Variants in PCCA observed in about 807,000 individuals in gnomAD.
The protein encoded by PCCA is propionyl-CoA carboxylase alpha chain, mitochondrial.
PCCA carries 74 observed loss-of-function variants against 101.3 expected under a neutral mutation model. That is an observed-to-expected ratio of 0.73 (90% CI 0.61 to 0.89). PCCA has a LOEUF of 0.89. PCCA is among the 40% of genes least tolerant of loss of function. PCCA has a pLI of 0.00. For synonymous variants in PCCA, 294 were observed against 313.6 expected (o/e 0.94, Z 0.66); for missense variants, 891 against 907.0 (o/e 0.98, Z 0.23).
At chr13:100,263,960 CAT>C (rs1180259316) in intron 10 of PCCA, among the ~76,000 whole-genome samples, 3 of 148,764 alleles carry the variant, frequency 2.0e-5, no homozygotes, top group Non-Finnish European at 4.5e-5. Context: ...ATCTGTATGT[CAT>C]ATATACGGTA....
intron 16 of PCCA, among the ~76,000 whole-genome samples, chr13:100,319,182 G>T (rs545825904): frequency 1.5e-3 from 233 of 152,208 alleles, no homozygotes; most frequent in African/African-American, 5.4e-3. Context: ...TGATGGGGTT[G>T]TTTGTTTTTT....
chr13:100,408,076 C>T (rs1308256087), intron 19 of PCCA, among the ~76,000 whole-genome samples: 1 of 152,190 alleles, frequency 6.6e-6, no homozygotes, highest in Non-Finnish European at 1.5e-5. Context: ...TTCTTGAACC[C>T]AGGAGGCAAA....
intron 4 of PCCA, among the ~76,000 whole-genome samples, chr13:100,139,395 A>G (rs149822960): frequency 1.8e-3 from 270 of 151,592 alleles, no homozygotes; most frequent in African/African-American, 6.1e-3. Context: ...GTATTGTTCC[A>G]TAGTCTCTTG....
At chr13:100,096,282 G>A (rs2089737802) in intron 1 of PCCA, among the ~76,000 whole-genome samples, 1 of 151,992 alleles carries the variant, frequency 6.6e-6, no homozygotes, top group Admixed American at 6.6e-5. Flanking sequence ...TTATTACTAT[G>A]TCTGTTATGG....
chr13:100,362,294 T>C (rs552589086), intron 18 of PCCA, among the ~76,000 whole-genome samples: 11 of 151,190 alleles, frequency 7.3e-5, no homozygotes, highest in African/African-American at 2.7e-4. Context: ...GAGTAAAATT[T>C]AAAAAAAAAT....
Position 100,340,215 on chromosome 13 carries a change from T to C in PCCA, c.1599T>C (p.Phe533=), listed in dbSNP as rs2152751951. The C allele has an allele frequency of 6.2e-7, 1 of 1,611,724 alleles. No individual in the cohort carries two copies. Among genetic ancestry groups the C allele is most frequent in the Non-Finnish European group, 8.5e-7 (1 of 1,177,814 alleles). Residue 533 remains phenylalanine (F), a synonymous_variant, in exon 18 of 24, where the codon TTT becomes TTC. Coordinates refer to ENST00000376285, the MANE Select transcript of PCCA (RefSeq NM_000282.4). ...NQLLAIASSL[F]VAFQLRAQHF... ...TATTGGCAATAGCATCATCATTGTTTGTGGCATTCCAGTTAAGAGCACAAC... is the reference window on the plus strand; with the variant it reads ...TATTGGCAATAGCATCATCATTGTTCGTGGCATTCCAGTTAAGAGCACAAC...
intron 4 of PCCA, among the ~76,000 whole-genome samples, chr13:100,147,060 T>C (rs1321184639): frequency 1.3e-5 from 2 of 150,566 alleles, no homozygotes; most frequent in Non-Finnish European, 2.9e-5. Context: ...TAAAATGTAG[T>C]GTGATTCAGT....
chr13:100,481,604 C>G (rs2083940883), intron 21 of PCCA, among the ~76,000 whole-genome samples: 1 of 152,072 alleles, frequency 6.6e-6, no homozygotes, highest in Non-Finnish European at 1.5e-5. Flanking sequence ...GACAGTAGAT[C>G]TGGTAACTGA....
At chr13:100,328,689 ATT>A (rs757599001) in intron 16 of PCCA, among the ~76,000 whole-genome samples, 95 of 98,206 alleles carry the variant, frequency 9.7e-4, no homozygotes, top group African/African-American at 2.9e-3. Flanking sequence ...GTTGAGGTTA[ATT>A]TTTTTTTTTT....
chr13:100,170,880 A>G (rs1249827272), intron 6 of PCCA, among the ~76,000 whole-genome samples: 4 of 152,246 alleles, frequency 2.6e-5, no homozygotes, highest in Non-Finnish European at 5.9e-5. Flanking sequence ...CATAGCGTAC[A>G]GTAGCCATAA....
At chr13:100,094,701 C>G (rs1054154435) in intron 1 of PCCA, among the ~76,000 whole-genome samples, 1 of 152,156 alleles carries the variant, frequency 6.6e-6, no homozygotes, top group Non-Finnish European at 1.5e-5. Context: ...GATTCTCCTG[C>G]CTCAGCCTCC....
At chr13:100,232,026 T>C (rs185520232) in intron 7 of PCCA, among the ~76,000 whole-genome samples, 1 of 152,314 alleles carries the variant, frequency 6.6e-6, no homozygotes, top group East Asian at 1.9e-4. Flanking sequence ...ATACTTTATT[T>C]TGCTTATTTT....
intron 22 of PCCA, among the ~76,000 whole-genome samples, chr13:100,525,216 C>CT (rs1233048065): frequency 6.6e-6 from 1 of 152,166 alleles, no homozygotes; most frequent in Non-Finnish European, 1.5e-5. Context: ...GACACGCCTT[C>CT]TTTAAAGTCC....
intron 21 of PCCA, among the ~76,000 whole-genome samples, chr13:100,483,282 C>G (rs1225918892): frequency 6.6e-6 from 1 of 151,990 alleles, no homozygotes; most frequent in Non-Finnish European, 1.5e-5. Flanking sequence ...TGGGCTTAAT[C>G]TGCATTAGCC....
intron 4 of PCCA, among the ~76,000 whole-genome samples, chr13:100,125,257 C>G (rs1479594141): frequency 6.6e-6 from 1 of 152,090 alleles, no homozygotes; most frequent in Non-Finnish European, 1.5e-5. Context: ...CCATGTTTCA[C>G]AGTTGGTCTT....
At chr13:100,289,707 T>C (rs1157988743) in intron 12 of PCCA, among the ~76,000 whole-genome samples, 1 of 152,200 alleles carries the variant, frequency 6.6e-6, no homozygotes, top group Non-Finnish European at 1.5e-5. Context: ...AGACAGACGT[T>C]TTCTCTGTCA....
intron 6 of PCCA, among the ~76,000 whole-genome samples, chr13:100,189,973 G>T (rs1261508052): frequency 3.9e-5 from 6 of 152,020 alleles, no homozygotes; most frequent in Admixed American, 2.0e-4. Context: ...ATCCCTTTAG[G>T]GTTTTGTTAT....
At chr13:100,137,769 A>G (rs2051355036) in intron 4 of PCCA, among the ~76,000 whole-genome samples, 2 of 149,370 alleles carry the variant, frequency 1.3e-5, no homozygotes, top group Non-Finnish European at 3.0e-5. Flanking sequence ...CTTGGGTCAT[A>G]TTTTGACAAT....
At chr13:100,330,538 A>C (rs772018110) in intron 16 of PCCA, 23 bp from the exon 17 acceptor site, 11 of 1,361,372 alleles carry the variant, frequency 8.1e-6, no homozygotes, top group Admixed American at 6.7e-5. Context: ...TTGTTCTTCA[A>C]TTTGATATCA....
Sources: allele counts gnomAD v4.1 joint callset (sites outside exome capture counted in the v4.1 genomes callset), GRCh38; gene constraint gnomAD v4.1.1; transcripts MANE v1.5; gene names NCBI Gene and HGNC (gene_info 2026-07-23, HGNC 2026-07-21).